PM20D1: variants seen among roughly 807,000 people sequenced by gnomAD.
The protein encoded by PM20D1 is N-fatty-acyl-amino acid synthase/hydrolase PM20D1.
A neutral mutation model predicts 53.8 loss-of-function variants in PM20D1; 53 were observed. That is an observed-to-expected ratio of 0.98 (90% CI 0.79 to 1.24). The LOEUF is 1.24. Ranked by LOEUF, PM20D1 falls within the 50% of genes most tolerant of loss-of-function variation. PM20D1 has a pLI of 0.00. For synonymous variants in PM20D1, 239 were observed against 241.3 expected (o/e 0.99, Z 0.09); for missense variants, 564 against 616.8 (o/e 0.91, Z 0.91).
In PM20D1 at chr1:205,845,339, T is replaced by C; in HGVS notation, c.475A>G (p.Lys159Glu). The C allele has an allele frequency of 1.2e-6, 2 of 1,613,762 alleles. No individual in the cohort carries two copies. The highest frequency in any genetic ancestry group is 4.5e-5 in the East Asian group (2 of 44,872). The change falls in exon 3 of 13, where the codon AAG becomes GAG. Residue 159 changes from lysine (K) to glutamate (E), a missense_variant. By Grantham distance (56) the Lys-to-Glu change is moderately conservative (BLOSUM62 1). Coordinates refer to ENST00000367136, the MANE Select transcript of PM20D1 (RefSeq NM_152491.5). Reference sequence around the variant, plus strand: ...GCATCTCAGACCATCACAGAGTTCTTGTCGTCCAGTGTGCCCCGACCATAG... The same window carrying C: ...GCATCTCAGACCATCACAGAGTTCTCGTCGTCCAGTGTGCCCCGACCATAG... ...IIYGRGTLDD[K>E]NSVMALLQAL...
intron 12 of PM20D1, 28 bp downstream of exon 12, chr1:205,830,252 A>G: frequency 6.7e-7 from 1 of 1,489,292 alleles, no homozygotes; most frequent in Non-Finnish European, 9.4e-7. Flanking sequence ...CTTTTCTCCC[A>G]CCTGCTGCTC....
In PM20D1 at chr1:205,828,458, C is replaced by T; in HGVS notation, c.*162G>A. The T allele has an allele frequency of 3.8e-6, 4 of 1,052,950 alleles. No homozygotes were observed. The highest frequency in any genetic ancestry group is 5.3e-6 in the Non-Finnish European group (4 of 761,390). The allele number at this position is 1,052,950 out of a possible 1,614,324, so 65.2% of individuals were successfully genotyped here. Reference sequence around the variant, plus strand: ...GAAGCCAGATTTCTGCTGACTTTACCTTACCCCGGCCTTGTTCTTGGGAGA... The same window carrying T: ...GAAGCCAGATTTCTGCTGACTTTACTTTACCCCGGCCTTGTTCTTGGGAGA... On this transcript the variant is annotated 3_prime_UTR_variant, in exon 13 of 13. Transcript: ENST00000367136.
chr1:205,844,741 C>CTAG, intron 4 of PM20D1, 70 bp downstream of exon 4: 2 of 1,423,342 alleles, frequency 1.4e-6, no homozygotes, highest in Non-Finnish European at 2.0e-6. Flanking sequence ...GCAAACTGGA[C>CTAG]TAGGGTTAAG....
rs749430051 is a variant in PM20D1, at chr1:205,832,695, G to T, written c.1188C>A (p.Pro396=). The change falls in exon 11 of 13, where the codon CCC becomes CCA. Residue 396 remains proline (P), a synonymous_variant. Transcript: ENST00000367136. ...TGTCATCAGAAGGGCTGACGGGGAG[G>T]GGGTCAAAGGCACTCAACACATGGA... The part of the protein sequence containing the change: ...VQFHVLSAFD[P]LPVSPSDDKA... 1 of 1,614,030 alleles carries T rather than the reference G, an allele frequency of 6.2e-7. No homozygotes were observed. Among genetic ancestry groups the T allele is most frequent in the South Asian group, 1.1e-5 (1 of 91,058 alleles).
rs138877289 is a variant in PM20D1, at chr1:205,845,475, C to T, written c.339G>A (p.Ser113=). The T allele has an allele frequency of 1.8e-5, 29 of 1,614,170 alleles. No individual in the cohort carries two copies. In the African/African-American group the frequency reaches 2.5e-4, roughly 14 times the overall value. ...EYSHLFTIQG[S]DPSLQPYLLM... ...GCAGGTAGGGCTGCAAGCTGGGGTCCGAGCCTTGGATAGTGAACAGGTGGC... is the reference window on the plus strand; with the variant it reads ...GCAGGTAGGGCTGCAAGCTGGGGTCTGAGCCTTGGATAGTGAACAGGTGGC... The change falls in exon 3 of 13, where the codon TCG becomes TCA. Residue 113 remains serine, a synonymous_variant. Transcript: ENST00000367136.
intron 4 of PM20D1, among the ~76,000 whole-genome samples, chr1:205,844,541 A>G (rs905378068): frequency 2.0e-5 from 3 of 151,934 alleles, no homozygotes; most frequent in African/African-American, 7.3e-5. Flanking sequence ...CATCACACGT[A>G]TGTTTCTTAG....
chr1:205,828,854 C>T lies in PM20D1; in HGVS notation c.1386-111G>A, dbSNP rs970415617. The T allele has an allele frequency of 7.2e-6, 10 of 1,392,870 alleles. No individual in the cohort carries two copies. In the African/African-American group the frequency reaches 1.3e-4, roughly 18 times the overall value. 86.3% of individuals were successfully genotyped at this position (1,392,870 alleles called of 1,614,324 possible). ...CCCTCACCAACCCGGAAACTACTGGCCCTCCAGGGCTAGGAAAGAGAGGGG... is the reference window on the plus strand; with the variant it reads ...CCCTCACCAACCCGGAAACTACTGGTCCTCCAGGGCTAGGAAAGAGAGGGG... On this transcript the variant is annotated intron_variant, in intron 12 of 12. Coordinates refer to ENST00000367136, the MANE Select transcript of PM20D1 (RefSeq NM_152491.5).
intron 12 of PM20D1, 23 bp from the exon 13 acceptor site, chr1:205,828,766 A>C: frequency 1.2e-6 from 2 of 1,613,302 alleles, no homozygotes; most frequent in Non-Finnish European, 1.7e-6. Context: ...AGGTGCATTT[A>C]GGGAAGGAGG....
intron 11 of PM20D1, 106 bp downstream of exon 11, chr1:205,832,492 G>C: frequency 3.1e-6 from 4 of 1,272,026 alleles, no homozygotes; most frequent in Non-Finnish European, 4.4e-6. Context: ...GAAGCAGCCA[G>C]CTGTTTACAG....
intron 11 of PM20D1, 22 bp from the exon 12 acceptor site, chr1:205,830,401 G>A: frequency 6.5e-7 from 1 of 1,537,754 alleles, no homozygotes; most frequent in South Asian, 1.1e-5. Context: ...AGATCAACAG[G>A]AAAGGGGCTT....
chr1:205,843,630 C>G (rs765411717), intron 6 of PM20D1, 37 bp downstream of exon 6: 1 of 1,591,028 alleles, frequency 6.3e-7, no homozygotes, highest in South Asian at 1.1e-5. Context: ...GCTTCCATCT[C>G]AAGTCTGGCA....
rs554383133 is a variant in PM20D1 at position 205,843,558 on chromosome 1, C to T, written c.827+109G>A. On this transcript the variant is annotated intron_variant, in intron 6 of 12. Transcript: ENST00000367136. ...GTGTCAATTTTTTATAGCATAGTTT[C>T]CCAGCCCAACTTTAGGGCAGGAAGC... 1.6e-5 allele frequency: 24 copies of T among 1,463,490 alleles called. No homozygotes were observed. The South Asian group carries it at 3.1e-4, about 19-fold the overall frequency. The allele number at this position is 1,463,490 out of a possible 1,614,324, so 90.7% of individuals were successfully genotyped here.
chr1:205,847,028 T>A (rs1158175499), intron 2 of PM20D1, among the ~76,000 whole-genome samples: 1 of 140,374 alleles, frequency 7.1e-6, no homozygotes, highest in African/African-American at 2.7e-5. Context: ...TTTTTTTTTT[T>A]TTTTTCAGAG....
chr1:205,841,826 G>A lies in PM20D1; in HGVS notation c.1029C>T (p.Phe343=). The A allele has an allele frequency of 6.4e-7, 1 of 1,569,162 alleles. No individual in the cohort carries two copies. The highest frequency in any genetic ancestry group is 8.7e-7 in the Non-Finnish European group (1 of 1,154,144). The change falls in exon 9 of 13, where the codon TTC becomes TTT. Residue 343 remains phenylalanine (F), a synonymous_variant. Transcript: ENST00000367136. The part of the protein sequence containing the change: ...IIRTTTALTI[F]KAGVKFNVIP... ...GGGATGTTACCTTGACCCCTGCTTTGAATATGGTGAGTGCCGTGGTGGTCC... is the reference window on the plus strand; with the variant it reads ...GGGATGTTACCTTGACCCCTGCTTTAAATATGGTGAGTGCCGTGGTGGTCC...
Position 205,842,697 on chromosome 1 carries a change from TAC to T in PM20D1, c.880_881del (p.Val294IlefsTer7). On this transcript the variant is annotated frameshift_variant, in exon 7 of 13. Transcript: ENST00000367136. LOFTEE classifies it high-confidence loss of function. ...IIFGSGTVVT[V>X]LQQLANEFPF... ...ATACCTCATTTGCCAGTTGCTGCAA[TAC>T]AGTCACCACTGTCCCGCTTCCAAAT... 6.2e-7 allele frequency: 1 copy of T among 1,614,084 alleles called. No homozygotes were observed. Among genetic ancestry groups the T allele is most frequent in the Non-Finnish European group, 8.5e-7 (1 of 1,180,006 alleles).
intron 2 of PM20D1, among the ~76,000 whole-genome samples, chr1:205,845,933 A>T (rs1656946949): frequency 6.6e-6 from 1 of 151,930 alleles, no homozygotes; most frequent in South Asian, 2.1e-4. Flanking sequence ...AAATACAAAA[A>T]TCAGTGAGGT....
chr1:205,843,620 G>A, intron 6 of PM20D1, 47 bp downstream of exon 6: 2 of 1,583,232 alleles, frequency 1.3e-6, no homozygotes, highest in South Asian at 1.2e-5. Context: ...AAGTGCCAGG[G>A]CTTCCATCTC....
At position 205,850,025 on chromosome 1, in the gene PM20D1, G is replaced by C; in HGVS notation, c.48C>G (p.Leu16=). 1 of 1,614,116 alleles carries C rather than the reference G, an allele frequency of 6.2e-7. No individual in the cohort carries two copies. Among genetic ancestry groups the C allele is most frequent in the Non-Finnish European group, 8.5e-7 (1 of 1,180,004 alleles). The stretch of plus-strand genomic sequence containing the variant: ...ATCTGGAGACGGTAGGGAAAACTAG[G>C]AGCAGCATAGCCACCAGGGCCAGCA... The part of the protein sequence containing the change: ...VCVLALVAML[L]LVFPTVSRSM... The change falls in exon 1 of 13, where the codon CTC becomes CTG. Residue 16 remains leucine, a synonymous_variant. Coordinates refer to ENST00000367136, the MANE Select transcript of PM20D1 (RefSeq NM_152491.5).
intron 7 of PM20D1, 89 bp from the exon 8 acceptor site, chr1:205,842,304 C>A: frequency 8.3e-7 from 1 of 1,201,490 alleles, no homozygotes; most frequent in African/African-American, 1.5e-5. Context: ...TTAGAGCTGC[C>A]TCAGGGGCCC....
Sources: allele counts gnomAD v4.1 joint callset (sites outside exome capture counted in the v4.1 genomes callset), GRCh38; gene constraint gnomAD v4.1.1; transcripts MANE v1.5; gene names NCBI Gene and HGNC (gene_info 2026-07-23, HGNC 2026-07-21).